CDKAL1: variants seen among roughly 807,000 people sequenced by gnomAD.
CDKAL1 encodes the protein threonylcarbamoyladenosine tRNA methylthiotransferase.
In CDKAL1, 32 loss-of-function variants were observed where a neutral mutation model predicts 68.2. The observed-to-expected ratio is 0.47, with a 90% CI of 0.35 to 0.63. The LOEUF (loss-of-function observed/expected upper bound fraction) is 0.63, where lower values mean the gene tolerates loss of function less well. Among genes scored for constraint, CDKAL1 ranks in the 30% least tolerant of loss-of-function variants. The probability of loss-of-function intolerance (pLI) is 0.00; values close to 1 mark genes in which losing one functional copy is unlikely to be tolerated. For synonymous variants in CDKAL1, 234 were observed against 244.3 expected (o/e 0.96, Z 0.39); for missense variants, 606 against 696.7 (o/e 0.87, Z 1.47).
chr6:20,692,398 A>G (rs777024903), intron 5 of CDKAL1, among the ~76,000 whole-genome samples: 12 of 152,240 alleles, frequency 7.9e-5, no homozygotes, highest in Admixed American at 3.3e-4. Flanking sequence ...AATTCTGCCT[A>G]CTACTAATCA....
chr6:20,818,454 A>G (rs1321782514), intron 8 of CDKAL1, among the ~76,000 whole-genome samples: 1 of 152,126 alleles, frequency 6.6e-6, no homozygotes, highest in Admixed American at 6.6e-5. Flanking sequence ...CCTTCTTAGT[A>G]AAATCAAGCT....
chr6:20,871,777 G>T (rs1033778150), intron 9 of CDKAL1, among the ~76,000 whole-genome samples: 5 of 152,096 alleles, frequency 3.3e-5, no homozygotes, highest in Admixed American at 6.5e-5. Flanking sequence ...ATTTGATGAT[G>T]ATTTTAAATG....
At chr6:20,681,216 T>A (rs533726135) in intron 5 of CDKAL1, among the ~76,000 whole-genome samples, 2 of 152,192 alleles carry the variant, frequency 1.3e-5, no homozygotes, top group Admixed American at 6.5e-5. Flanking sequence ...GTAAAGAACA[T>A]TGTAGAAGGT....
At chr6:21,070,011 C>T (rs1035832214) in intron 12 of CDKAL1, among the ~76,000 whole-genome samples, 3 of 151,692 alleles carry the variant, frequency 2.0e-5, no homozygotes, top group African/African-American at 4.8e-5. Context: ...AGGATGGTCT[C>T]GATCTCCTGA....
intron 4 of CDKAL1, among the ~76,000 whole-genome samples, chr6:20,613,442 T>G (rs1364775704): frequency 1.3e-5 from 2 of 150,602 alleles, no homozygotes; most frequent in African/African-American, 4.9e-5. Flanking sequence ...ACCCGGCTGA[T>G]TTTTGTATTT....
chr6:20,865,421 G>A (rs1192215638), intron 9 of CDKAL1, among the ~76,000 whole-genome samples: 2 of 152,046 alleles, frequency 1.3e-5, no homozygotes, highest in East Asian at 1.9e-4. Flanking sequence ...CCTCAGTTTC[G>A]TTGTCCATAG....
At chr6:20,793,445 G>A (rs1257902998) in intron 8 of CDKAL1, among the ~76,000 whole-genome samples, 3 of 152,098 alleles carry the variant, frequency 2.0e-5, no homozygotes, top group Non-Finnish European at 4.4e-5. Flanking sequence ...TGCTACTGCT[G>A]AAGGCAAATT....
Position 20,552,346 on chromosome 6 carries a change from C to CA in CDKAL1, c.286+3652dup, listed in dbSNP as rs895751415. On this transcript the variant is annotated intron_variant, in intron 4 of 15. Transcript: ENST00000274695. ...TGGGCAACAGAGTGAGATCCTATCT[C>CA]AAAAAAAAAAAGGCCCTGAGATAAT... Among the ~76,000 whole-genome samples, 572 of 125,080 alleles carry CA rather than the reference C, an allele frequency of 4.6e-3. 3 individuals carry two copies. The highest frequency in any genetic ancestry group is 0.015 in the African/African-American group (521 of 33,996). 82.1% of individuals were successfully genotyped at this position (125,080 alleles called of 152,430 possible).
At chr6:21,050,122 A>G (rs1425050078) in intron 11 of CDKAL1, among the ~76,000 whole-genome samples, 3 of 152,196 alleles carry the variant, frequency 2.0e-5, no homozygotes, top group Non-Finnish European at 4.4e-5. Context: ...TATTACTTTC[A>G]AAGAGAAGGA....
chr6:21,061,183 T>C (rs1474044161), intron 11 of CDKAL1, among the ~76,000 whole-genome samples: 1 of 152,160 alleles, frequency 6.6e-6, no homozygotes, highest in Non-Finnish European at 1.5e-5. Flanking sequence ...CTGATATATC[T>C]TTACAAGTAA....
chr6:20,796,259 A>ATT (rs778308925), intron 8 of CDKAL1, among the ~76,000 whole-genome samples: 2 of 152,204 alleles, frequency 1.3e-5, no homozygotes, highest in Admixed American at 6.5e-5. Context: ...GTTATGCAAT[A>ATT]GCTCTAAGAA....
chr6:20,835,587 A>C (rs1777905323), intron 8 of CDKAL1, among the ~76,000 whole-genome samples: 1 of 151,252 alleles, frequency 6.6e-6, no homozygotes, highest in Non-Finnish European at 1.5e-5. Context: ...CATTCTTGTC[A>C]GCCAGGCTAG....
chr6:20,837,357 C>T (rs894143583), intron 8 of CDKAL1, among the ~76,000 whole-genome samples: 2 of 152,008 alleles, frequency 1.3e-5, no homozygotes, highest in African/African-American at 4.8e-5. Flanking sequence ...ATCCCAGGCG[C>T]CAAAATATGG....
intron 10 of CDKAL1, among the ~76,000 whole-genome samples, chr6:20,972,069 TAG>T (rs1765627374): frequency 6.6e-6 from 1 of 152,212 alleles, no homozygotes; most frequent in African/African-American, 2.4e-5. Context: ...GTAGTGAGCC[TAG>T]AGACTCACTT....
At chr6:20,897,514 C>T (rs767596134) in intron 9 of CDKAL1, among the ~76,000 whole-genome samples, 1 of 152,112 alleles carries the variant, frequency 6.6e-6, no homozygotes, top group Non-Finnish European at 1.5e-5. Context: ...CCTCAGATAA[C>T]ATACATCTGT....
intron 5 of CDKAL1, among the ~76,000 whole-genome samples, chr6:20,715,828 A>G (rs898813746): frequency 6.6e-6 from 1 of 152,206 alleles, no homozygotes; most frequent in Non-Finnish European, 1.5e-5. Context: ...TCTAGGTTGC[A>G]TGTATTGCTT....
chr6:20,538,204 G>T (rs1413524997), intron 2 of CDKAL1, among the ~76,000 whole-genome samples: 1 of 150,900 alleles, frequency 6.6e-6, no homozygotes, highest in Non-Finnish European at 1.5e-5. Context: ...AATACTTGTT[G>T]TTAGTGTGGT....
At position 21,209,703 on chromosome 6, in the gene CDKAL1, T is replaced by C. The variant is rs116784805; in HGVS notation, c.1548+8429T>C. The stretch of plus-strand genomic sequence containing the variant: ...CCTTAAGAGCAAAAGGGATTCTTTA[T>C]CATGAAAGCAGTGAATGGAAAAAAA... On this transcript the variant is annotated intron_variant, in intron 15 of 15. Transcript: ENST00000274695. Among the ~76,000 whole-genome samples, 1,166 of 152,306 alleles carry C rather than the reference T, an allele frequency of 7.7e-3. 16 individuals carry two copies. The highest frequency in any genetic ancestry group is 0.027 in the African/African-American group (1,104 of 41,564).
intron 5 of CDKAL1, among the ~76,000 whole-genome samples, chr6:20,733,023 A>C (rs1773027406): frequency 6.6e-6 from 1 of 152,192 alleles, no homozygotes; most frequent in Admixed American, 6.5e-5. Flanking sequence ...AACAGGTGGC[A>C]CTGTAGGCTG....
Sources: gnomAD v4.1 joint callset for allele counts (sites outside exome capture counted in the v4.1 genomes callset) on GRCh38, gnomAD v4.1.1 for gene constraint, MANE v1.5 for transcripts, NCBI Gene and HGNC (gene_info 2026-07-23, HGNC 2026-07-21) for gene names.